The following ATF7IP variants were observed in gnomAD, a reference collection of about 807,000 sequenced individuals.
ATF7IP encodes the protein activating transcription factor 7 interacting protein.
Under a neutral mutation model 106.4 loss-of-function variants are expected in ATF7IP, and 23 were observed. That is an observed-to-expected ratio of 0.22 (90% CI 0.16 to 0.31). The LOEUF (loss-of-function observed/expected upper bound fraction) is 0.31. Ranked by LOEUF, ATF7IP falls within the 10% of genes least tolerant of loss-of-function variation. ATF7IP has a pLI of 1.00. For missense variants in ATF7IP, 1,334 were observed against 1,524.3 expected (o/e 0.88, Z 2.08); for synonymous variants, 542 against 539.0 (o/e 1.01, Z -0.08).
chr12:14,466,727 C>G (rs1476425733), intron 10 of ATF7IP, 137 bp downstream of exon 10: 7 of 699,950 alleles, frequency 1.0e-5, no homozygotes, highest in Non-Finnish European at 1.4e-5. Flanking sequence ...CTCACAGCTT[C>G]TCTGTAATGT....
At position 14,456,645 on chromosome 12, in the gene ATF7IP, A is replaced by G. The variant is rs375618736; in HGVS notation, c.2069+11A>G. 6.2e-4 allele frequency: 987 copies of G among 1,580,918 alleles called. 13 individuals carry two copies. In the South Asian group the frequency reaches 0.011, roughly 17 times the overall value. On this transcript the variant is annotated intron_variant, in intron 7 of 14. Coordinates refer to ENST00000261168, the MANE Select transcript of ATF7IP (RefSeq NM_018179.5). The stretch of plus-strand genomic sequence containing the variant: ...TAACATGTCTTACAGGTGAGAATTC[A>G]TAGTCTGTCTAGTTTTTAAAAACAG...
At chr12:14,378,459 A>G (rs1938854704) in intron 1 of ATF7IP, among the ~76,000 whole-genome samples, 1 of 152,208 alleles carries the variant, frequency 6.6e-6, no homozygotes, top group Non-Finnish European at 1.5e-5. Context: ...TCTTTAGCTT[A>G]TAACCTATAT....
intron 13 of ATF7IP, among the ~76,000 whole-genome samples, chr12:14,483,563 G>T (rs1944495153): frequency 6.6e-6 from 1 of 152,100 alleles, no homozygotes; most frequent in African/African-American, 2.4e-5. Flanking sequence ...AAGTAATGTC[G>T]CAGGAACAGG....
chr12:14,485,307 T>A (rs1277593246), intron 13 of ATF7IP, among the ~76,000 whole-genome samples: 1 of 151,818 alleles, frequency 6.6e-6, no homozygotes, highest in Non-Finnish European at 1.5e-5. Flanking sequence ...ATCGGCCCAC[T>A]AGATGTTGTG....
chr12:14,380,919 C>T (rs1404066709), intron 1 of ATF7IP, among the ~76,000 whole-genome samples: 2 of 152,122 alleles, frequency 1.3e-5, no homozygotes, highest in African/African-American at 4.8e-5. Flanking sequence ...CGTGCCCGGC[C>T]AGGTACTCTC....
chr12:14,457,164 G>A (rs1943459775), intron 7 of ATF7IP, 43 bp from the exon 8 acceptor site: 1 of 1,488,378 alleles, frequency 6.7e-7, no homozygotes, highest in African/African-American at 1.4e-5. Flanking sequence ...TATTCCCTGA[G>A]TGGCATATCT....
At chr12:14,431,947 T>A (rs576788803) in intron 2 of ATF7IP, among the ~76,000 whole-genome samples, 30 of 152,344 alleles carry the variant, frequency 2.0e-4, no homozygotes, top group Non-Finnish European at 3.8e-4. Flanking sequence ...CAAAAAACTC[T>A]AGCAACTCTA....
chr12:14,466,554 T>G lies in ATF7IP; in HGVS notation c.2826T>G (p.Ala942=). The G allele has an allele frequency of 1.2e-6, 2 of 1,604,262 alleles. No homozygotes were observed. Among genetic ancestry groups the G allele is most frequent in the Non-Finnish European group, 1.7e-6 (2 of 1,177,038 alleles). Residue 942 remains alanine (A), a synonymous_variant, in exon 10 of 15, where the codon GCT becomes GCG. Coordinates refer to ENST00000261168, the MANE Select transcript of ATF7IP (RefSeq NM_018179.5). ...IENQTNKTID[A]SVSKKAADST... is the part of the protein sequence containing the mutation. ...ACCAGACAAACAAAACAATAGATGC[T>G]TCTGTCAGTAAGAAAGCAGCTGATA...
chr12:14,415,547 A>G (rs1378806138), intron 1 of ATF7IP, among the ~76,000 whole-genome samples: 2 of 152,216 alleles, frequency 1.3e-5, no homozygotes, highest in East Asian at 3.9e-4. Flanking sequence ...ATTTTTTACA[A>G]TTTAGTTTGG....
intron 1 of ATF7IP, among the ~76,000 whole-genome samples, chr12:14,393,358 GCT>G (rs745490197): frequency 3.9e-5 from 6 of 151,902 alleles, no homozygotes; most frequent in Non-Finnish European, 7.4e-5. Context: ...TACTTAGAAA[GCT>G]CTTTTGATAT....
intron 1 of ATF7IP, among the ~76,000 whole-genome samples, chr12:14,405,146 A>G (rs968689381): frequency 2.0e-5 from 3 of 152,024 alleles, no homozygotes; most frequent in Non-Finnish European, 2.9e-5. Context: ...GTGCTGGTTC[A>G]TTCTTTGTTG....
intron 13 of ATF7IP, among the ~76,000 whole-genome samples, chr12:14,483,969 C>G (rs1388067045): frequency 6.6e-6 from 1 of 152,114 alleles, no homozygotes; most frequent in Non-Finnish European, 1.5e-5. Flanking sequence ...GGATAATAGT[C>G]TTGGCAGAAG....
chr12:14,396,926 C>T (rs143137537), intron 1 of ATF7IP, among the ~76,000 whole-genome samples: 8,761 of 151,922 alleles, frequency 0.058, 318 homozygotes, highest in Non-Finnish European at 0.09. Context: ...TTTGGGAGGC[C>T]GAGGCAGGTG....
intron 13 of ATF7IP, among the ~76,000 whole-genome samples, chr12:14,485,923 C>T (rs1165087628): frequency 1.3e-5 from 2 of 152,146 alleles, no homozygotes; most frequent in Non-Finnish European, 1.5e-5. Context: ...CAAGCACCGC[C>T]CCTGCATCTT....
At position 14,441,176 on chromosome 12, in the gene ATF7IP, CCAT is replaced by C. The variant is rs377759416; in HGVS notation, c.1929+2910_1929+2912del. The stretch of plus-strand genomic sequence containing the variant: ...CCAGCTGTTGTCCACAGTGGCTATA[CCAT>C]TTTCTGTTCCCACCAGCAATGTATG... On this transcript the variant is annotated intron_variant, in intron 5 of 14. Transcript: ENST00000261168. Among the ~76,000 whole-genome samples the C allele has an allele frequency of 1.5e-3, 233 of 152,276 alleles. 2 individuals are homozygous for C. The highest frequency in any genetic ancestry group is 5.5e-3 in the African/African-American group (227 of 41,570).
At chr12:14,449,361 A>G (rs763682387) in intron 6 of ATF7IP, among the ~76,000 whole-genome samples, 1 of 152,022 alleles carries the variant, frequency 6.6e-6, no homozygotes, top group Non-Finnish European at 1.5e-5. Context: ...GCGTGTATAT[A>G]TCCAGTTTTC....
intron 1 of ATF7IP, among the ~76,000 whole-genome samples, chr12:14,369,626 C>T (rs1756716156): frequency 1.3e-5 from 2 of 152,156 alleles, no homozygotes; most frequent in Admixed American, 6.5e-5. Context: ...TGTGAACCAC[C>T]GTGCACAGCC....
intron 10 of ATF7IP, among the ~76,000 whole-genome samples, chr12:14,474,292 T>G (rs1413000543): frequency 3.3e-5 from 5 of 151,878 alleles, no homozygotes; most frequent in African/African-American, 1.2e-4. Flanking sequence ...AAGCTAATTT[T>G]TATTTTAGTA....
chr12:14,479,153 C>T (rs1181208633), intron 12 of ATF7IP, among the ~76,000 whole-genome samples: 1 of 152,118 alleles, frequency 6.6e-6, no homozygotes, highest in Non-Finnish European at 1.5e-5. Context: ...TGTCATCTGC[C>T]ACAGCAAATG....
Sources: gnomAD v4.1 joint callset for allele counts (sites outside exome capture counted in the v4.1 genomes callset) on GRCh38, gnomAD v4.1.1 for gene constraint, MANE v1.5 for transcripts, NCBI Gene and HGNC (gene_info 2026-07-23, HGNC 2026-07-21) for gene names.